Variants in SNX19 observed in about 807,000 individuals in gnomAD.
The protein encoded by SNX19 is sorting nexin-19.
SNX19 carries 60 observed loss-of-function variants against 85.2 expected under a neutral mutation model. That is an observed-to-expected ratio of 0.70 (90% CI 0.57 to 0.87). SNX19 has a LOEUF of 0.87. Among genes scored for constraint, SNX19 ranks in the 40% least tolerant of loss-of-function variants. SNX19 has a pLI of 0.00. For missense variants in SNX19, 1,201 were observed against 1,217.8 expected, an observed-to-expected ratio of 0.99 and a Z score of 0.21; for synonymous variants, 520 against 470.0, an observed-to-expected ratio of 1.11 and a Z score of -1.38.
intron 8 of SNX19, chr11:130,893,729 T>TGG (rs764796504): frequency 1.9e-4 from 132 of 689,290 alleles, no homozygotes; most frequent in Non-Finnish European, 5.0e-5. Context: ...AAAGGAAACC[T>TGG]GGGGGAGAGA....
intron 8 of SNX19, chr11:130,881,031 A>G: frequency 2.8e-6 from 1 of 360,426 alleles, no homozygotes; most frequent in Non-Finnish European, 5.0e-6. Flanking sequence ...CCCTTTTGCC[A>G]TATGAGGACA....
chr11:130,878,349 G>C lies in SNX19; in HGVS notation c.*73C>G. On this transcript the variant is annotated 3_prime_UTR_variant, in exon 11 of 11. Transcript: ENST00000265909. ...GCTGTAGCCTACTTGAAGAGGGCAC[G>C]GGCTTCCTGACTGGTCTCTGGTGGC... is the stretch of plus-strand genomic sequence containing the variant. 6.5e-7 allele frequency: 1 copy of C among 1,547,448 alleles called. No individual in the cohort carries two copies. The highest frequency in any genetic ancestry group is 8.8e-7 in the Non-Finnish European group (1 of 1,140,582).
rs78546621 is a variant in SNX19, at chr11:130,878,994, T to C, written c.2847-440A>G. Among the ~76,000 whole-genome samples the C allele has an allele frequency of 9.8e-3, 1,498 of 152,262 alleles. 16 individuals carry two copies. Among genetic ancestry groups the C allele is most frequent in the African/African-American group, 0.035 (1,436 of 41,554 alleles). On this transcript the variant is annotated intron_variant, in intron 10 of 10. Coordinates refer to ENST00000265909, the MANE Select transcript of SNX19 (RefSeq NM_014758.3). ...TTAACGAACACAGTCTACTTTGGGG[T>C]AGGGTTTGAGTGCAAGGTTACTCAA...
At chr11:130,891,940 A>C (rs577816628) in intron 8 of SNX19, among the ~76,000 whole-genome samples, 45 of 150,504 alleles carry the variant, frequency 3.0e-4, no homozygotes, top group Non-Finnish European at 6.0e-4. Context: ...TCCTGGGTTC[A>C]AGTGATTCTC....
At chr11:130,908,139 C>T in intron 4 of SNX19, 56 bp from the exon 5 acceptor site, 1 of 1,593,336 alleles carries the variant, frequency 6.3e-7, no homozygotes, top group African/African-American at 1.3e-5. Context: ...TGGAAACCGC[C>T]AAGCAAGCAG....
At position 130,915,691 on chromosome 11, in the gene SNX19, G is replaced by C. The variant is rs1208870987; in HGVS notation, c.249C>G (p.Ile83Met). The C allele has an allele frequency of 1.7e-5, 27 of 1,614,140 alleles. No individual in the cohort carries two copies. The Admixed American group carries it at 3.3e-4, about 20-fold the overall frequency. Residue 83 changes from isoleucine to methionine, a missense_variant, in exon 1 of 11, where the codon ATC becomes ATG. Physicochemically the swap from Ile to Met is conservative, Grantham distance 10. Transcript: ENST00000265909. ...ASGRLHLERFIPLATCPPCPE... is the reference protein window; with the variant it reads ...ASGRLHLERFMPLATCPPCPE... ...GGCATGGAGGACAGGTGGCCAACGG[G>C]ATGAAGCGTTCCAGATGCAGTCGAC...
At chr11:130,902,295 T>C (rs1261381587) in intron 8 of SNX19, among the ~76,000 whole-genome samples, 1 of 152,248 alleles carries the variant, frequency 6.6e-6, no homozygotes, top group Non-Finnish European at 1.5e-5. Flanking sequence ...ATCATCTTCT[T>C]TCACTTGGTC....
chr11:130,880,890 T>C, intron 8 of SNX19, 84 bp from the exon 9 acceptor site: 3 of 1,170,992 alleles, frequency 2.6e-6, no homozygotes, highest in Non-Finnish European at 3.6e-6. Context: ...TATGTTCCCC[T>C]GCAGATTCGT....
rs1942848452 is a variant in SNX19, at chr11:130,868,069, T to C, written c.*10353A>G. 6.6e-6 allele frequency: 1 copy of C among 152,234 alleles called. No homozygotes were observed. Among genetic ancestry groups the C allele is most frequent in the Non-Finnish European group, 1.5e-5 (1 of 68,036 alleles). 9.4% of individuals were successfully genotyped at this position (152,234 alleles called of 1,614,324 possible). On this transcript the variant is annotated 3_prime_UTR_variant, in exon 11 of 11. Coordinates refer to ENST00000265909, the MANE Select transcript of SNX19 (RefSeq NM_014758.3). ...CTGAAATGGCTTCTCTGCCTTCATA[T>C]TGCCTGAAGAGTTAAACAGACACAA...
chr11:130,914,127 G>C lies in SNX19; in HGVS notation c.1674+139C>G, dbSNP rs192122824. The C allele has an allele frequency of 3.0e-5, 20 of 676,024 alleles. No individual in the cohort carries two copies. The East Asian group carries it at 5.6e-4, about 19-fold the overall frequency. 41.9% of individuals were successfully genotyped at this position (676,024 alleles called of 1,614,324 possible). ...TACTCTGCCTTACATATTAGCTTCA[G>C]ACCATTCACAGAGATAGATGCCTAT... On this transcript the variant is annotated intron_variant, in intron 1 of 10. Coordinates refer to ENST00000265909, the MANE Select transcript of SNX19 (RefSeq NM_014758.3).
intron 8 of SNX19, chr11:130,902,943 A>G (rs1490637282): frequency 2.1e-5 from 5 of 235,602 alleles, no homozygotes; most frequent in Non-Finnish European, 4.2e-5. Context: ...TGAGAGGTGC[A>G]GGGCTGGAGG....
Position 130,915,698 on chromosome 11 carries a change from C to A in SNX19, c.242G>T (p.Arg81Leu), listed in dbSNP as rs150787445. Reference sequence around the variant, plus strand: ...AGGACAGGTGGCCAACGGGATGAAGCGTTCCAGATGCAGTCGACCTGAAGC... The same window carrying A: ...AGGACAGGTGGCCAACGGGATGAAGAGTTCCAGATGCAGTCGACCTGAAGC... ...GVASGRLHLE[R>L]FIPLATCPPC... Residue 81 changes from arginine to leucine, a missense_variant, in exon 1 of 11, where the codon CGC becomes CTC. Coordinates refer to ENST00000265909, the MANE Select transcript of SNX19 (RefSeq NM_014758.3). 2.7e-4 allele frequency: 430 copies of A among 1,614,232 alleles called. 2 individuals are homozygous for A. The African/African-American group carries it at 5.0e-3, about 19-fold the overall frequency.
In SNX19 at chr11:130,879,712, C is replaced by A. The variant is rs1943523736; in HGVS notation, c.2759-1G>T. ...ACCCCAAGAATTTCTACTACGAGAT[C>A]TGAGGAGGAAAAAACAGATGGAATT... On this transcript the variant is annotated splice_acceptor_variant, in intron 9 of 10. Transcript: ENST00000265909. LOFTEE classifies it high-confidence loss of function. 1 of 1,613,708 alleles carries A rather than the reference C, an allele frequency of 6.2e-7. No homozygotes were observed. The highest frequency in any genetic ancestry group is 8.5e-7 in the Non-Finnish European group (1 of 1,179,780).
At chr11:130,886,288 ATATATATG>A (rs1231242669) in intron 8 of SNX19, among the ~76,000 whole-genome samples, 10 of 152,302 alleles carry the variant, frequency 6.6e-5, no homozygotes, top group African/African-American at 2.4e-4. Flanking sequence ...ATGTATGTAC[ATATATATG>A]TATATATCAG....
At position 130,875,506 on chromosome 11, in the gene SNX19, A is replaced by T. The variant is rs1272937501; in HGVS notation, c.*2916T>A. 1 of 152,262 alleles carries T rather than the reference A, an allele frequency of 6.6e-6. No homozygotes were observed. The highest frequency in any genetic ancestry group is 1.9e-4 in the East Asian group (1 of 5,208). 9.4% of individuals were successfully genotyped at this position (152,262 alleles called of 1,614,324 possible). A position where few individuals can be genotyped will look rare whatever the true frequency, so the allele number is the denominator to read the frequency against. On this transcript the variant is annotated 3_prime_UTR_variant, in exon 11 of 11. Transcript: ENST00000265909. ...TAATGTACTGTACACTTAAGAGGGTAGATCTCACATTATGTGTTTCTTTAC... is the reference window on the plus strand; with the variant it reads ...TAATGTACTGTACACTTAAGAGGGTTGATCTCACATTATGTGTTTCTTTAC...
chr11:130,884,590 G>A lies in SNX19; in HGVS notation c.2574-3784C>T, dbSNP rs533502987. Among the ~76,000 whole-genome samples, 15 of 152,138 alleles carry A rather than the reference G, an allele frequency of 9.9e-5. No homozygotes were observed. The East Asian group carries it at 1.5e-3, about 16-fold the overall frequency. On this transcript the variant is annotated intron_variant, in intron 8 of 10. Transcript: ENST00000265909. ...CATTAGAAATTACTTATAATAGGCC[G>A]GGCATAGTGGCTCACACCTGTAATC...
chr11:130,883,366 C>T (rs1380130269), intron 8 of SNX19, among the ~76,000 whole-genome samples: 1 of 152,142 alleles, frequency 6.6e-6, no homozygotes, highest in Non-Finnish European at 1.5e-5. Context: ...GACAAAGACA[C>T]TGTCAAGCAC....
At chr11:130,880,863 G>A (rs2135280127) in intron 8 of SNX19, 57 bp from the exon 9 acceptor site, 1 of 1,395,560 alleles carries the variant, frequency 7.2e-7, no homozygotes, top group Non-Finnish European at 9.8e-7. Flanking sequence ...AAATAACAAG[G>A]CAGCGGACTG....
chr11:130,879,578 G>A (rs1340196733), intron 10 of SNX19, 46 bp downstream of exon 10: 1 of 1,533,372 alleles, frequency 6.5e-7, no homozygotes, highest in Non-Finnish European at 9.0e-7. Flanking sequence ...TGAGACCAGA[G>A]GTGGCTGTAA....
Sources: allele counts gnomAD v4.1 joint callset (sites outside exome capture counted in the v4.1 genomes callset), GRCh38; gene constraint gnomAD v4.1.1; transcripts MANE v1.5; gene names NCBI Gene and HGNC (gene_info 2026-07-23, HGNC 2026-07-21).